Variants in GREB1L observed in about 807,000 individuals in gnomAD.
GREB1L encodes the protein GREB1-like protein.
Under a neutral mutation model 200.8 loss-of-function variants are expected in GREB1L, and 17 were observed. The ratio of observed to expected loss-of-function variants is 0.08; its 90% confidence interval spans 0.06 to 0.13. The LOEUF (loss-of-function observed/expected upper bound fraction) is 0.13, where lower values mean the gene tolerates loss of function less well. Among genes scored for constraint, GREB1L ranks in the 10% least tolerant of loss-of-function variants. GREB1L has a pLI of 1.00. For synonymous variants in GREB1L, 789 were observed against 893.0 expected (o/e 0.88, Z 2.08); for missense variants, 1,657 against 2,367.7 (o/e 0.70, Z 6.23).
At chr18:21,277,230 G>A (rs1292519528) in intron 1 of GREB1L, among the ~76,000 whole-genome samples, 2 of 152,100 alleles carry the variant, frequency 1.3e-5, no homozygotes, top group Non-Finnish European at 2.9e-5. Flanking sequence ...GCCCGGCCCA[G>A]CCCAGCCTTT....
chr18:21,273,131 G>A (rs1472694225), intron 1 of GREB1L, among the ~76,000 whole-genome samples: 1 of 152,204 alleles, frequency 6.6e-6, no homozygotes, highest in African/African-American at 2.4e-5. Context: ...GGAGGCTGAG[G>A]CAGGGAGAAT....
chr18:21,466,345 A>G (rs2035262355), intron 15 of GREB1L, among the ~76,000 whole-genome samples: 1 of 152,086 alleles, frequency 6.6e-6, no homozygotes, highest in South Asian at 2.1e-4. Flanking sequence ...ATTTTTTCCA[A>G]AGTGATTATA....
intron 1 of GREB1L, among the ~76,000 whole-genome samples, chr18:21,323,822 C>G (rs561679903): frequency 1.1e-3 from 169 of 152,268 alleles, no homozygotes; most frequent in Non-Finnish European, 1.1e-3. Flanking sequence ...AAGAGGTGCT[C>G]TCACACATTG....
Position 21,477,340 on chromosome 18 carries a change from T to C in GREB1L, c.2540T>C (p.Ile847Thr), listed in dbSNP as rs1292574384. 6.5e-7 allele frequency: 1 copy of C among 1,549,030 alleles called. No homozygotes were observed. Among genetic ancestry groups the C allele is most frequent in the Non-Finnish European group, 8.7e-7 (1 of 1,145,078 alleles). Residue 847 changes from isoleucine to threonine, a missense_variant, in exon 17 of 33, where the codon ATA becomes ACA. Coordinates refer to ENST00000424526, the MANE Select transcript of GREB1L (RefSeq NM_001142966.3). ...AGCTCTAGCAATGAGGTTCACTGGA[T>C]ACAGCTGGATACTGGGGTGAGTCTC... ...RISSSNEVHW[I>T]QLDTGEDVGC...
chr18:21,399,693 CG>C (rs372216157), intron 5 of GREB1L, among the ~76,000 whole-genome samples: 1 of 152,076 alleles, frequency 6.6e-6, no homozygotes. Flanking sequence ...TATAAAGTGG[CG>C]GTAATAAGTT....
At chr18:21,516,840 T>A in intron 30 of GREB1L, 86 bp downstream of exon 30, 1 of 1,272,090 alleles carries the variant, frequency 7.9e-7, no homozygotes, top group Non-Finnish European at 1.1e-6. Flanking sequence ...CATTAAGCAC[T>A]TTCTATTTTA....
chr18:21,420,973 AAAAT>A (rs1166852035), intron 7 of GREB1L, among the ~76,000 whole-genome samples: 1 of 152,230 alleles, frequency 6.6e-6, no homozygotes, highest in African/African-American at 2.4e-5. Context: ...GATGAATCTC[AAAAT>A]AAATCTAGTG....
chr18:21,402,976 A>T lies in GREB1L; in HGVS notation c.710-896A>T, dbSNP rs541915410. ...ATGCGTATATTACCTATTGGAGATAAGCTCTTAGGCCAGAATACAATAGCT... is the reference window on the plus strand; with the variant it reads ...ATGCGTATATTACCTATTGGAGATATGCTCTTAGGCCAGAATACAATAGCT... On this transcript the variant is annotated intron_variant, in intron 6 of 32. Coordinates refer to ENST00000424526, the MANE Select transcript of GREB1L (RefSeq NM_001142966.3). Among the ~76,000 whole-genome samples the T allele has an allele frequency of 2.0e-5, 3 of 152,132 alleles. No homozygotes were observed. In the East Asian group the frequency reaches 5.8e-4, roughly 29 times the overall value.
In GREB1L at chr18:21,440,354, A is replaced by G. The variant is rs779612180; in HGVS notation, c.1035A>G (p.Val345=). The part of the protein sequence containing the change: ...GSPLPQPGLV[V]PVPTVRPLSR... ...CTCTCCCCCAACCTGGCTTAGTTGTACCTGTCCCTACAGTTCGCCCTCTTT... is the reference window on the plus strand; with the variant it reads ...CTCTCCCCCAACCTGGCTTAGTTGTGCCTGTCCCTACAGTTCGCCCTCTTT... The change falls in exon 9 of 33, where the codon GTA becomes GTG. Residue 345 remains valine (V), a synonymous_variant. Transcript: ENST00000424526. The G allele has an allele frequency of 9.7e-6, 15 of 1,551,670 alleles. No homozygotes were observed. In the African/African-American group the frequency reaches 1.9e-4, roughly 20 times the overall value.
chr18:21,277,728 G>A (rs564723301), intron 1 of GREB1L, among the ~76,000 whole-genome samples: 2 of 152,260 alleles, frequency 1.3e-5, no homozygotes, highest in East Asian at 3.9e-4. Flanking sequence ...CCCCTGTCAT[G>A]CCATCCACAC....
chr18:21,511,947 C>G (rs2037254557), intron 27 of GREB1L, among the ~76,000 whole-genome samples: 1 of 152,158 alleles, frequency 6.6e-6, no homozygotes, highest in Non-Finnish European at 1.5e-5. Context: ...GCCCAGCCCC[C>G]AACTGTGTTT....
intron 7 of GREB1L, among the ~76,000 whole-genome samples, chr18:21,432,174 C>T (rs1186032592): frequency 1.3e-5 from 2 of 152,012 alleles, no homozygotes; most frequent in African/African-American, 2.4e-5. Context: ...CCGCCCACCT[C>T]GGCCTCCCAA....
chr18:21,487,973 T>A (rs1182338773), intron 18 of GREB1L, among the ~76,000 whole-genome samples: 1 of 150,746 alleles, frequency 6.6e-6, no homozygotes, highest in Non-Finnish European at 1.5e-5. Flanking sequence ...ATTGCGCCAT[T>A]GCACTCCAGT....
rs1211864820 is a variant in GREB1L, at chr18:21,324,874, A to C, written c.-119-41153A>C. On this transcript the variant is annotated intron_variant, in intron 1 of 32. Coordinates refer to ENST00000424526, the MANE Select transcript of GREB1L (RefSeq NM_001142966.3). ...TACTCTACTTTTCTGCTGTAGAAGG[A>C]AACCATATTTGTCATAAGTTAATTG... Among the ~76,000 whole-genome samples, 11 of 152,352 alleles carry C rather than the reference A, an allele frequency of 7.2e-5. No individual in the cohort carries two copies. In the East Asian group the frequency reaches 1.7e-3, roughly 24 times the overall value.
intron 2 of GREB1L, among the ~76,000 whole-genome samples, chr18:21,368,542 A>G (rs1479123077): frequency 1.3e-5 from 2 of 152,166 alleles, no homozygotes; most frequent in African/African-American, 4.8e-5. Context: ...TTCTTTTATT[A>G]CTTACTCTCT....
At chr18:21,438,975 A>AAAAAAAAAAAG (rs1426583915) in intron 7 of GREB1L, among the ~76,000 whole-genome samples, 1 of 144,970 alleles carries the variant, frequency 6.9e-6, no homozygotes, top group Non-Finnish European at 1.5e-5. Flanking sequence ...AAAAAAAAAA[A>AAAAAAAAAAAG]AAAAGAAAAG....
chr18:21,273,217 G>C (rs1661641650), intron 1 of GREB1L, among the ~76,000 whole-genome samples: 1 of 152,128 alleles, frequency 6.6e-6, no homozygotes, highest in Non-Finnish European at 1.5e-5. Flanking sequence ...GACAGAATGA[G>C]ACTCCATCTC....
chr18:21,397,476 G>A (rs2041121294), intron 5 of GREB1L, among the ~76,000 whole-genome samples: 1 of 148,964 alleles, frequency 6.7e-6, no homozygotes, highest in Non-Finnish European at 1.5e-5. Context: ...AGTTAGCGGA[G>A]ATCGCGCCAC....
At chr18:21,404,204 G>T (rs2029906543) in intron 7 of GREB1L, among the ~76,000 whole-genome samples, 1 of 152,226 alleles carries the variant, frequency 6.6e-6, no homozygotes, top group Non-Finnish European at 1.5e-5. Flanking sequence ...ACAGCTGGTA[G>T]GAAATTTAGC....
Sources: allele counts gnomAD v4.1 joint callset (sites outside exome capture counted in the v4.1 genomes callset), GRCh38; gene constraint gnomAD v4.1.1; transcripts MANE v1.5; gene names NCBI Gene and HGNC (gene_info 2026-07-23, HGNC 2026-07-21).